The following AGBL1 variants were observed in gnomAD, a reference collection of about 807,000 sequenced individuals.
AGBL1 encodes AGBL carboxypeptidase 1.
AGBL1 carries 130 observed loss-of-function variants against 118.9 expected under a neutral mutation model. That is an observed-to-expected ratio of 1.09 (90% CI 0.95 to 1.26). AGBL1 has a LOEUF of 1.26. Ranked by LOEUF, AGBL1 falls within the 50% of genes most tolerant of loss-of-function variation. The pLI is 0.00. For missense variants in AGBL1, 1,584 were observed against 1,298.1 expected, an observed-to-expected ratio of 1.22 and a Z score of -3.38; for synonymous variants, 555 against 478.9, an observed-to-expected ratio of 1.16 and a Z score of -2.08.
At chr15:86,795,759 T>C (rs1190010294) in intron 22 of AGBL1, among the ~76,000 whole-genome samples, 1 of 151,572 alleles carries the variant, frequency 6.6e-6, no homozygotes, top group Admixed American at 6.6e-5. Flanking sequence ...TAATTTTTTG[T>C]ATTTTTAGTA....
chr15:86,182,933 A>T (rs977236009), intron 5 of AGBL1, among the ~76,000 whole-genome samples: 2 of 152,166 alleles, frequency 1.3e-5, no homozygotes, highest in African/African-American at 4.8e-5. Flanking sequence ...AGATGTTGTT[A>T]TTTTATTTCA....
intron 14 of AGBL1, among the ~76,000 whole-genome samples, chr15:86,270,315 A>T (rs980024107): frequency 4.6e-5 from 7 of 152,062 alleles, no homozygotes; most frequent in Admixed American, 3.9e-4. Context: ...CTCTACCTTG[A>T]ACTTTTTGAG....
Position 86,830,912 on chromosome 15 carries a change from G to A in AGBL1, c.3159-76175G>A, listed in dbSNP as rs149820931. Reference sequence around the variant, plus strand: ...TGTATTAGTCTTTTCTCATGCTGCTGATAAAGACATACCCAAGACTGGGTA... The same window carrying A: ...TGTATTAGTCTTTTCTCATGCTGCTAATAAAGACATACCCAAGACTGGGTA... On this transcript the variant is annotated intron_variant, in intron 22 of 22. Coordinates refer to ENST00000614907, the MANE Select transcript of AGBL1 (RefSeq NM_001386094.1). Among the ~76,000 whole-genome samples the A allele has an allele frequency of 2.4e-3, 372 of 152,262 alleles. 4 individuals are homozygous for A. The highest frequency in any genetic ancestry group is 8.5e-3 in the African/African-American group (355 of 41,546).
At chr15:86,868,648 G>T (rs897465183) in intron 22 of AGBL1, among the ~76,000 whole-genome samples, 1 of 152,120 alleles carries the variant, frequency 6.6e-6, no homozygotes, top group South Asian at 2.1e-4. Flanking sequence ...TATCTAGAAC[G>T]ACATTAAACT....
chr15:86,661,527 A>T (rs148101472), intron 21 of AGBL1, among the ~76,000 whole-genome samples: 1 of 152,034 alleles, frequency 6.6e-6, no homozygotes, highest in East Asian at 1.9e-4. Flanking sequence ...CTGGGTTAAC[A>T]TCATTATCTG....
At chr15:87,027,419 C>G (rs2081741120) in intron 24 of AGBL1, among the ~76,000 whole-genome samples, 1 of 151,582 alleles carries the variant, frequency 6.6e-6, no homozygotes. Flanking sequence ...CGAGCAATCT[C>G]ATTACCCAGA....
At chr15:86,741,407 A>AAAAAAAAAAAAAAAAAAAAAAAAAT (rs2077677072) in intron 22 of AGBL1, among the ~76,000 whole-genome samples, 2 of 133,062 alleles carry the variant, frequency 1.5e-5, no homozygotes, top group Non-Finnish European at 3.3e-5. Context: ...AAAAAAAAAA[A>AAAAAAAAAAAAAAAAAAAAAAAAAT]AAAAAAAAAA....
In AGBL1 at chr15:86,600,765, G is replaced by A. The variant is rs572107671; in HGVS notation, c.2994+46228G>A. On this transcript the variant is annotated intron_variant, in intron 21 of 22. Transcript: ENST00000614907. ...AAACAATTCCCGAATCTGCTTTTATGGCTAAGCAGTATCAAAATCAGAGAA... is the reference window on the plus strand; with the variant it reads ...AAACAATTCCCGAATCTGCTTTTATAGCTAAGCAGTATCAAAATCAGAGAA... 5.8e-4 allele frequency among the ~76,000 whole-genome samples: 88 copies of A among 152,246 alleles called. 1 individual carries two copies. The South Asian group carries it at 0.018, about 31-fold the overall frequency.
chr15:86,182,851 A>T (rs114774356), intron 5 of AGBL1, among the ~76,000 whole-genome samples: 7 of 152,284 alleles, frequency 4.6e-5, no homozygotes, highest in African/African-American at 1.7e-4. Context: ...TTAGCAGTTT[A>T]CATGTGGCGT....
At chr15:86,467,637 G>A (rs2082424124) in intron 18 of AGBL1, among the ~76,000 whole-genome samples, 2 of 152,236 alleles carry the variant, frequency 1.3e-5, no homozygotes, top group Non-Finnish European at 2.9e-5. Flanking sequence ...TCTGAGGGTT[G>A]CGAAGACCAT....
rs1357328812 is a variant in AGBL1, at chr15:86,219,284, G to T, written c.489-5630G>T. Reference sequence around the variant, plus strand: ...CCAAGAATGACATTCAAGTTATTAGGTTGGTCCAAATGTAATTGTGGTTTT... The same window carrying T: ...CCAAGAATGACATTCAAGTTATTAGTTTGGTCCAAATGTAATTGTGGTTTT... On this transcript the variant is annotated intron_variant, in intron 5 of 22. Transcript: ENST00000614907. Among the ~76,000 whole-genome samples the T allele has an allele frequency of 6.6e-5, 10 of 152,110 alleles. 1 individual carries two copies. In the East Asian group the frequency reaches 1.9e-3, roughly 29 times the overall value.
At chr15:86,115,428 A>G (rs1897693892) in intron 1 of AGBL1, among the ~76,000 whole-genome samples, 1 of 152,212 alleles carries the variant, frequency 6.6e-6, no homozygotes, top group African/African-American at 2.4e-5. Flanking sequence ...CTTAAGAAAA[A>G]AAATTATCTG....
At chr15:86,562,418 T>A (rs139738881) in intron 21 of AGBL1, among the ~76,000 whole-genome samples, 259 of 152,384 alleles carry the variant, frequency 1.7e-3, no homozygotes, top group Non-Finnish European at 3.0e-3. Context: ...TTTTTGTCTT[T>A]GCTTCTGTTT....
intron 21 of AGBL1, among the ~76,000 whole-genome samples, chr15:86,579,216 C>A (rs2084140151): frequency 6.6e-6 from 1 of 152,058 alleles, no homozygotes; most frequent in Admixed American, 6.6e-5. Flanking sequence ...CATTACGTTG[C>A]AAATTTTGTG....
chr15:86,399,964 A>G (rs1011977034), intron 18 of AGBL1, among the ~76,000 whole-genome samples: 1 of 152,202 alleles, frequency 6.6e-6, no homozygotes, highest in African/African-American at 2.4e-5. Context: ...TGGAAATCAT[A>G]GTGTTATTCT....
At position 86,908,518 on chromosome 15, in the gene AGBL1, A is replaced by AACAACAACG. The variant is rs1168634368; in HGVS notation, c.*1227_*1235dup. The AACAACAACG allele has an allele frequency of 1.3e-5, 2 of 152,178 alleles. No individual in the cohort carries two copies. The highest frequency in any genetic ancestry group is 6.5e-5 in the Admixed American group (1 of 15,276). The allele number at this position is 152,178 out of a possible 1,614,324, so 9.4% of individuals were successfully genotyped here. On this transcript the variant is annotated 3_prime_UTR_variant, in exon 23 of 23. Transcript: ENST00000614907. Reference sequence around the variant, plus strand: ...GCAAGACTCTGTCTCAAACAACAACAACAACAACGACGACAAACCCAGAAT... The same window carrying AACAACAACG: ...GCAAGACTCTGTCTCAAACAACAACAACAACAACGACAACAACGACGACAAACCCAGAAT...
At chr15:86,583,953 G>T (rs971642169) in intron 21 of AGBL1, among the ~76,000 whole-genome samples, 1 of 141,698 alleles carries the variant, frequency 7.1e-6, no homozygotes, top group Admixed American at 7.4e-5. Context: ...GATGTGGAAC[G>T]TTTTTTCATG....
chr15:86,345,298 T>C (rs946069268), intron 17 of AGBL1, among the ~76,000 whole-genome samples: 1 of 152,126 alleles, frequency 6.6e-6, no homozygotes, highest in Non-Finnish European at 1.5e-5. Flanking sequence ...GAGACTCTGC[T>C]GCTGCTAAGC....
At position 86,305,203 on chromosome 15, in the gene AGBL1, G is replaced by T. The variant is rs535035276; in HGVS notation, c.2374+9795G>T. 2 of 152,292 alleles carry T rather than the reference G, an allele frequency of 1.3e-5. 1 individual carries two copies. Among genetic ancestry groups the T allele is most frequent in the South Asian group, 4.1e-4 (2 of 4,824 alleles). 9.4% of individuals were successfully genotyped at this position (152,292 alleles called of 1,614,324 possible). A position where few individuals can be genotyped will look rare whatever the true frequency, so the allele number is the denominator to read the frequency against. On this transcript the variant is annotated intron_variant, in intron 17 of 22. Transcript: ENST00000614907. The stretch of plus-strand genomic sequence containing the variant: ...TCAGGATATAAGACGGTGCTAGCCA[G>T]GCATGACCATGAGTTTGCTATTAAA...
Sources: allele counts gnomAD v4.1 joint callset (sites outside exome capture counted in the v4.1 genomes callset), GRCh38; gene constraint gnomAD v4.1.1; transcripts MANE v1.5; gene names NCBI Gene and HGNC (gene_info 2026-07-23, HGNC 2026-07-21).